Variants in CDC25A observed in about 807,000 individuals in gnomAD.
CDC25A encodes the protein M-phase inducer phosphatase 1.
CDC25A carries 17 observed loss-of-function variants against 64.6 expected under a neutral mutation model. The ratio of observed to expected loss-of-function variants is 0.26; its 90% CI spans 0.18 to 0.39. CDC25A has a LOEUF of 0.39. Among genes scored for constraint, CDC25A ranks in the 10% least tolerant of loss-of-function variants. The probability of loss-of-function intolerance (pLI) is 1.00; values close to 1 mark genes in which losing one functional copy is unlikely to be tolerated. For missense variants in CDC25A, 473 were observed against 654.8 expected (o/e 0.72, Z 3.03); for synonymous variants, 229 against 238.6 (o/e 0.96, Z 0.37).
intron 9 of CDC25A, among the ~76,000 whole-genome samples, chr3:48,173,763 G>A (rs936426): frequency 0.28 from 43,018 of 152,040 alleles, 6,459 homozygotes; most frequent in African/African-American, 0.31. Context: ...CTGCTAAAAC[G>A]TAAAATTTAC....
At chr3:48,186,569 CAA>C (rs750148404) in intron 2 of CDC25A, 132 bp downstream of exon 2, 16,198 of 370,420 alleles carry the variant, frequency 0.044, no homozygotes, top group South Asian at 0.058. Flanking sequence ...AACTCTGTCT[CAA>C]AAAAAAAAAA....
chr3:48,162,797 G>A lies in CDC25A; in HGVS notation c.1322+1510C>T, dbSNP rs566702632. 4.0e-5 allele frequency among the ~76,000 whole-genome samples: 6 copies of A among 151,516 alleles called. No homozygotes were observed. In the South Asian group the frequency reaches 1.0e-3, roughly 26 times the overall value. On this transcript the variant is annotated intron_variant, in intron 13 of 14. Coordinates refer to ENST00000302506, the MANE Select transcript of CDC25A (RefSeq NM_001789.3). ...CAGGAGGCGGAGCTTGCAGTAAGTC[G>A]AGATTGTGCCACTGCACTCCAGCCT...
chr3:48,168,407 C>CACA (rs1491254554), intron 9 of CDC25A, among the ~76,000 whole-genome samples: 1 of 147,970 alleles, frequency 6.8e-6, no homozygotes, highest in South Asian at 2.2e-4. Context: ...CACACACACA[C>CACA]AAGCTGGGCA....
intron 5 of CDC25A, among the ~76,000 whole-genome samples, chr3:48,182,565 C>T (rs1379981892): frequency 1.3e-5 from 2 of 152,202 alleles, no homozygotes; most frequent in Non-Finnish European, 2.9e-5. Context: ...CAAGGACAGC[C>T]TGGGCAGAGC....
At chr3:48,163,632 A>T (rs942924665) in intron 13 of CDC25A, among the ~76,000 whole-genome samples, 3 of 152,186 alleles carry the variant, frequency 2.0e-5, no homozygotes, top group Admixed American at 1.3e-4. Flanking sequence ...TTTTTAATTT[A>T]AAAATGTTTT....
At chr3:48,161,628 G>A (rs751470190) in intron 13 of CDC25A, among the ~76,000 whole-genome samples, 8 of 152,070 alleles carry the variant, frequency 5.3e-5, no homozygotes, top group Non-Finnish European at 1.2e-4. Context: ...AGAATCACTT[G>A]AGCCTGGGAG....
At chr3:48,166,969 T>G (rs1274270963) in intron 10 of CDC25A, among the ~76,000 whole-genome samples, 18 of 152,334 alleles carry the variant, frequency 1.2e-4, no homozygotes, top group Non-Finnish European at 5.9e-5. Flanking sequence ...GATCTTTGCT[T>G]GTTCTCTTCA....
intron 5 of CDC25A, among the ~76,000 whole-genome samples, chr3:48,182,271 T>C (rs778500307): frequency 1.1e-4 from 16 of 152,200 alleles, no homozygotes; most frequent in Non-Finnish European, 2.2e-4. Flanking sequence ...GATTATGAAC[T>C]GTGGCATTTC....
At chr3:48,165,571 T>A in intron 12 of CDC25A, 65 bp downstream of exon 12, 1 of 1,121,060 alleles carries the variant, frequency 8.9e-7, no homozygotes, top group East Asian at 2.4e-5. Flanking sequence ...GTCACTGTCC[T>A]CCCCACTTTA....
At chr3:48,160,188 C>A (rs2031689720) in intron 13 of CDC25A, among the ~76,000 whole-genome samples, 1 of 152,134 alleles carries the variant, frequency 6.6e-6, no homozygotes, top group Non-Finnish European at 1.5e-5. Flanking sequence ...CTCAGGCTCA[C>A]TGCAATCTCC....
chr3:48,162,038 G>A (rs1158141659), intron 13 of CDC25A, among the ~76,000 whole-genome samples: 1 of 152,154 alleles, frequency 6.6e-6, no homozygotes, highest in East Asian at 1.9e-4. Context: ...TCCAGTCTGG[G>A]TGGCAGAGCA....
intron 10 of CDC25A, among the ~76,000 whole-genome samples, chr3:48,166,834 T>C (rs909298495): frequency 6.6e-6 from 1 of 152,116 alleles, no homozygotes; most frequent in African/African-American, 2.4e-5. Context: ...AGGCCATAAG[T>C]TTGAGGCTAC....
At chr3:48,171,837 A>C (rs1341188500) in intron 9 of CDC25A, among the ~76,000 whole-genome samples, 2 of 152,184 alleles carry the variant, frequency 1.3e-5, no homozygotes, top group Non-Finnish European at 2.9e-5. Context: ...TGATTTATTC[A>C]ATTATTTCTA....
At position 48,182,917 on chromosome 3, in the gene CDC25A, A is replaced by T; in HGVS notation, c.429+12T>A. ...CCTCTGCCTCAGGTTAGTACATTGA[A>T]GTCACACTCACATTTTCCTTGTTCT... On this transcript the variant is annotated intron_variant, in intron 5 of 14. Transcript: ENST00000302506. The T allele has an allele frequency of 6.4e-7, 1 of 1,558,556 alleles. No homozygotes were observed. Among genetic ancestry groups the T allele is most frequent in the Non-Finnish European group, 8.9e-7 (1 of 1,129,278 alleles).
At position 48,187,767 on chromosome 3, in the gene CDC25A, T is replaced by C; in HGVS notation, c.170+11A>G. ...AGGGGCCCGGAGCACCGCCCGCCGG[T>C]CTCTCCTTACCTGCCCAGACCCTGC... On this transcript the variant is annotated intron_variant, in intron 1 of 14. Transcript: ENST00000302506. 1 of 1,534,568 alleles carries C rather than the reference T, an allele frequency of 6.5e-7. No homozygotes were observed.
intron 5 of CDC25A, 142 bp downstream of exon 5, chr3:48,182,787 C>A: frequency 1.7e-6 from 1 of 602,350 alleles, no homozygotes; most frequent in South Asian, 2.3e-5. Context: ...AAGCAGGATC[C>A]AAACCCAGAA....
chr3:48,167,147 G>A (rs569313025), intron 10 of CDC25A, among the ~76,000 whole-genome samples: 3 of 152,230 alleles, frequency 2.0e-5, no homozygotes, highest in South Asian at 4.1e-4. Context: ...TGTAGTTCAC[G>A]TCTCACCTCT....
intron 8 of CDC25A, among the ~76,000 whole-genome samples, chr3:48,177,141 G>C (rs1432506637): frequency 6.6e-6 from 1 of 152,154 alleles, no homozygotes; most frequent in African/African-American, 2.4e-5. Context: ...GATGGTAAAA[G>C]CTAGGAATGA....
chr3:48,184,885 A>T (rs890956057), intron 2 of CDC25A, among the ~76,000 whole-genome samples, 190 bp from the exon 3 acceptor site: 3 of 152,198 alleles, frequency 2.0e-5, no homozygotes, highest in Admixed American at 6.5e-5. Context: ...TACAAGTCTT[A>T]ATATTTTCAT....
Sources: gnomAD v4.1 joint callset for allele counts (sites outside exome capture counted in the v4.1 genomes callset) on GRCh38, gnomAD v4.1.1 for gene constraint, MANE v1.5 for transcripts, NCBI Gene and HGNC (gene_info 2026-07-23, HGNC 2026-07-21) for gene names.